Variants in PPP2R5A observed in about 807,000 individuals in gnomAD.
The protein encoded by PPP2R5A is protein phosphatase 2 regulatory subunit B'alpha, also known as serine/threonine-protein phosphatase 2A 56 kDa regulatory subunit alpha isoform.
Under a neutral mutation model 64.2 loss-of-function variants are expected in PPP2R5A, and 25 were observed. The ratio of observed to expected loss-of-function variants is 0.39; its 90% CI spans 0.28 to 0.54. PPP2R5A has a LOEUF of 0.54. PPP2R5A is among the 20% of genes least tolerant of loss of function. PPP2R5A has a pLI of 0.67. For missense variants in PPP2R5A, 425 were observed against 576.3 expected (o/e 0.74, Z 2.69); for synonymous variants, 198 against 201.2 (o/e 0.98, Z 0.13).
chr1:212,287,210 G>A (rs1445505518), intron 1 of PPP2R5A, among the ~76,000 whole-genome samples: 1 of 152,140 alleles, frequency 6.6e-6, no homozygotes, highest in African/African-American at 2.4e-5. Context: ...TATTCTTTGT[G>A]TATTACTCAT....
intron 1 of PPP2R5A, among the ~76,000 whole-genome samples, chr1:212,324,094 A>G (rs1348597392): frequency 6.6e-6 from 1 of 152,124 alleles, no homozygotes; most frequent in Non-Finnish European, 1.5e-5. Context: ...AATGTGTAAC[A>G]TGTTCTTAAA....
chr1:212,333,894 C>T, intron 3 of PPP2R5A: 1 of 215,556 alleles, frequency 4.6e-6, no homozygotes, highest in Non-Finnish European at 9.1e-6. Context: ...TTTCTATCAC[C>T]CCAAATGGAA....
At chr1:212,292,012 G>T (rs1658609664) in intron 1 of PPP2R5A, among the ~76,000 whole-genome samples, 1 of 152,128 alleles carries the variant, frequency 6.6e-6, no homozygotes, top group African/African-American at 2.4e-5. Flanking sequence ...GAAGATCTAG[G>T]CCTGATACTA....
chr1:212,348,520 A>C, intron 7 of PPP2R5A, 23 bp downstream of exon 7: 1 of 1,436,044 alleles, frequency 7.0e-7, no homozygotes, highest in Non-Finnish European at 9.7e-7. Flanking sequence ...AACATTTCAG[A>C]TGAAATGAAT....
chr1:212,324,626 G>C (rs1659374737), intron 1 of PPP2R5A, among the ~76,000 whole-genome samples: 1 of 148,152 alleles, frequency 6.7e-6, no homozygotes, highest in African/African-American at 2.5e-5. Flanking sequence ...TTTTGAGACA[G>C]AGTCTTCTTG....
At chr1:212,293,797 C>T (rs1044925178) in intron 1 of PPP2R5A, among the ~76,000 whole-genome samples, 3 of 151,926 alleles carry the variant, frequency 2.0e-5, no homozygotes, top group Non-Finnish European at 4.4e-5. Flanking sequence ...ATTGCCGCTA[C>T]TATATAACCT....
intron 1 of PPP2R5A, among the ~76,000 whole-genome samples, chr1:212,291,946 A>G (rs1196487823): frequency 1.3e-5 from 2 of 152,310 alleles, no homozygotes; most frequent in South Asian, 4.1e-4. Flanking sequence ...GATTTCAACC[A>G]CTTTGGGATG....
intron 8 of PPP2R5A, among the ~76,000 whole-genome samples, chr1:212,355,160 A>T (rs981271280): frequency 1.3e-5 from 2 of 152,184 alleles, no homozygotes; most frequent in Non-Finnish European, 2.9e-5. Flanking sequence ...GTTGTTGTGA[A>T]AAGTACCTTT....
At chr1:212,313,727 C>T (rs1437295752) in intron 1 of PPP2R5A, 1 of 150,964 alleles carries the variant, frequency 6.6e-6, no homozygotes, top group Non-Finnish European at 1.5e-5. Flanking sequence ...TGTATGTGTA[C>T]ACTGGCATGT....
chr1:212,331,925 T>C (rs951389525), intron 2 of PPP2R5A, among the ~76,000 whole-genome samples: 33 of 152,242 alleles, frequency 2.2e-4, no homozygotes, highest in African/African-American at 7.7e-4. Context: ...AAGTAATACT[T>C]GAGTCATCTT....
At position 212,360,888 on chromosome 1, in the gene PPP2R5A, G is replaced by C; in HGVS notation, c.*118G>C. ...ATAATTAAAAGGCCAATTTTTTCTG[G>C]CAACTGTAAATGGAAAAATATATGG... On this transcript the variant is annotated 3_prime_UTR_variant, in exon 13 of 13. Coordinates refer to ENST00000261461, the MANE Select transcript of PPP2R5A (RefSeq NM_006243.4). 9.9e-7 allele frequency: 1 copy of C among 1,014,138 alleles called. No homozygotes were observed. The highest frequency in any genetic ancestry group is 3.0e-5 in the East Asian group (1 of 33,302). 62.8% of individuals were successfully genotyped at this position (1,014,138 alleles called of 1,614,324 possible). A position where few individuals can be genotyped will look rare whatever the true frequency, so the allele number is the denominator to read the frequency against.
At chr1:212,322,597 A>G (rs1659327708) in intron 1 of PPP2R5A, among the ~76,000 whole-genome samples, 1 of 152,194 alleles carries the variant, frequency 6.6e-6, no homozygotes, top group Non-Finnish European at 1.5e-5. Flanking sequence ...CCAGCAGTAC[A>G]TGACAGCAGC....
chr1:212,315,862 A>G (rs933624742), intron 1 of PPP2R5A, among the ~76,000 whole-genome samples: 1 of 152,166 alleles, frequency 6.6e-6, no homozygotes. Flanking sequence ...TCTGTGTCAC[A>G]TTTTGGAGAT....
intron 1 of PPP2R5A, among the ~76,000 whole-genome samples, chr1:212,326,993 C>T (rs985559871): frequency 1.3e-5 from 2 of 152,172 alleles, no homozygotes; most frequent in African/African-American, 2.4e-5. Context: ...TGACCTACTA[C>T]GGTTCAGCAG....
At chr1:212,299,962 G>A (rs914836383) in intron 1 of PPP2R5A, among the ~76,000 whole-genome samples, 2 of 151,928 alleles carry the variant, frequency 1.3e-5, no homozygotes, top group Non-Finnish European at 2.9e-5. Flanking sequence ...ATAGGCTCCC[G>A]CCACCACAGC....
chr1:212,302,686 C>G (rs1403199305), intron 1 of PPP2R5A, among the ~76,000 whole-genome samples: 1 of 152,190 alleles, frequency 6.6e-6, no homozygotes, highest in Non-Finnish European at 1.5e-5. Flanking sequence ...CTACCACAGT[C>G]AATTTTAGAA....
At chr1:212,337,640 A>G (rs1659612427) in intron 3 of PPP2R5A, among the ~76,000 whole-genome samples, 1 of 152,174 alleles carries the variant, frequency 6.6e-6, no homozygotes, top group Non-Finnish European at 1.5e-5. Flanking sequence ...AATATCTTTT[A>G]TATAAGGTTG....
At chr1:212,311,151 A>C (rs1351134949) in intron 1 of PPP2R5A, among the ~76,000 whole-genome samples, 1 of 152,150 alleles carries the variant, frequency 6.6e-6, no homozygotes, top group Non-Finnish European at 1.5e-5. Context: ...TGCCAGTGTA[A>C]AAAAACCAGC....
At chr1:212,298,883 C>T (rs1192329023) in intron 1 of PPP2R5A, among the ~76,000 whole-genome samples, 10 of 40,710 alleles carry the variant, frequency 2.5e-4, no homozygotes, top group South Asian at 7.6e-4. Context: ...GGGGGGCTGA[C>T]CCCCCACCTC....
Sources: gnomAD v4.1 joint callset for allele counts (sites outside exome capture counted in the v4.1 genomes callset) on GRCh38, gnomAD v4.1.1 for gene constraint, MANE v1.5 for transcripts, NCBI Gene and HGNC (gene_info 2026-07-23, HGNC 2026-07-21) for gene names.